RNF216: variants seen among roughly 807,000 people sequenced by gnomAD.
RNF216 encodes the protein ring finger protein 216, also known as E3 ubiquitin-protein ligase RNF216.
RNF216 carries 72 observed loss-of-function variants against 110.8 expected under a neutral mutation model. The observed-to-expected ratio is 0.65, with a 90% confidence interval of 0.54 to 0.79. RNF216 has a LOEUF of 0.79. Among genes scored for constraint, RNF216 ranks in the 30% least tolerant of loss-of-function variants. RNF216 has a pLI of 0.00. For synonymous variants in RNF216, 495 were observed against 407.5 expected, an observed-to-expected ratio of 1.21 and a Z score of -2.59; for missense variants, 1,342 against 1,141.2, an observed-to-expected ratio of 1.18 and a Z score of -2.54.
At chr7:5,636,702 C>T (rs1032552581) in intron 15 of RNF216, among the ~76,000 whole-genome samples, 2 of 152,154 alleles carry the variant, frequency 1.3e-5, no homozygotes, top group Non-Finnish European at 2.9e-5. Context: ...TTGATGGGAA[C>T]GGGACAAACG....
chr7:5,647,698 G>T (rs1036140457), intron 14 of RNF216, among the ~76,000 whole-genome samples: 1 of 152,108 alleles, frequency 6.6e-6, no homozygotes, highest in African/African-American at 2.4e-5. Context: ...ACCCAAGCTA[G>T]AAGCCTGAGA....
chr7:5,694,900 C>T (rs1304436007), intron 13 of RNF216, among the ~76,000 whole-genome samples: 1 of 152,184 alleles, frequency 6.6e-6, no homozygotes, highest in Non-Finnish European at 1.5e-5. Context: ...ATCTAAAGGA[C>T]CCAAGCATTT....
intron 13 of RNF216, among the ~76,000 whole-genome samples, chr7:5,674,922 G>T (rs1395202331): frequency 2.0e-5 from 3 of 150,060 alleles, no homozygotes; most frequent in Admixed American, 2.0e-4. Context: ...GCTTGAACCA[G>T]GGAGGTGGAG....
Position 5,717,531 on chromosome 7 carries a change from C to CTGGGCAGAAACAGGGAATGATG in RNF216, c.1645-787_1645-766dup, listed in dbSNP as rs1224487064. Reference sequence around the variant, plus strand: ...CCAAGAGTCTAGCCCAAAGATGCAACTGGGCAGAAACAGGGAATGATGTAT... The same window carrying CTGGGCAGAAACAGGGAATGATG: ...CCAAGAGTCTAGCCCAAAGATGCAACTGGGCAGAAACAGGGAATGATGTGGGCAGAAACAGGGAATGATGTAT... On this transcript the variant is annotated intron_variant, in intron 9 of 16. Transcript: ENST00000389902. Among the ~76,000 whole-genome samples, 7 of 152,290 alleles carry CTGGGCAGAAACAGGGAATGATG rather than the reference C, an allele frequency of 4.6e-5. No individual in the cohort carries two copies. In the East Asian group the frequency reaches 1.4e-3, roughly 29 times the overall value.
chr7:5,732,179 G>C (rs928107705), intron 5 of RNF216, among the ~76,000 whole-genome samples: 11 of 152,308 alleles, frequency 7.2e-5, no homozygotes, highest in African/African-American at 2.4e-4. Context: ...ATTGTCATCA[G>C]TGGTAATTCT....
At chr7:5,670,962 T>C (rs538754902) in intron 13 of RNF216, among the ~76,000 whole-genome samples, 18 of 152,294 alleles carry the variant, frequency 1.2e-4, no homozygotes, top group African/African-American at 4.3e-4. Context: ...GCCTAGAGTG[T>C]TTTCTGTGAA....
At chr7:5,754,891 G>A (rs1413984003) in intron 2 of RNF216, among the ~76,000 whole-genome samples, 1 of 151,938 alleles carries the variant, frequency 6.6e-6, no homozygotes, top group Admixed American at 6.6e-5. Context: ...AGCCGGGTGT[G>A]GTGGCATGCA....
At chr7:5,766,020 G>T (rs1314136655) in intron 1 of RNF216, among the ~76,000 whole-genome samples, 2 of 150,932 alleles carry the variant, frequency 1.3e-5, no homozygotes, top group Non-Finnish European at 3.0e-5. Flanking sequence ...GCTCACACTT[G>T]TAATCCAGGA....
intron 2 of RNF216, among the ~76,000 whole-genome samples, chr7:5,754,373 G>A (rs78369267): frequency 0.042 from 6,385 of 151,922 alleles, 187 homozygotes; most frequent in South Asian, 0.074. Flanking sequence ...ATGTTCCTAT[G>A]CTGGCCTTGA....
intron 7 of RNF216, among the ~76,000 whole-genome samples, chr7:5,727,522 T>C (rs1584522372): frequency 6.6e-6 from 1 of 151,530 alleles, no homozygotes; most frequent in African/African-American, 2.4e-5. Flanking sequence ...AGGCCAGGAG[T>C]TCAAGACCAG....
At chr7:5,668,190 T>A (rs1789651828) in intron 13 of RNF216, among the ~76,000 whole-genome samples, 1 of 151,836 alleles carries the variant, frequency 6.6e-6, no homozygotes, top group African/African-American at 2.4e-5. Context: ...CTCATAAAAA[T>A]CAAATCCCTT....
rs759514977 is a variant in RNF216 at position 5,712,702 on chromosome 7, C to T, written c.1982+13G>A. ...AAGAGTTGGCAGATGGCACGCTCTGCCTGAGAACGAACCTGACAAGCTCGT... is the reference window on the plus strand; with the variant it reads ...AAGAGTTGGCAGATGGCACGCTCTGTCTGAGAACGAACCTGACAAGCTCGT... On this transcript the variant is annotated intron_variant, in intron 12 of 16. Transcript: ENST00000389902. 5.0e-6 allele frequency: 8 copies of T among 1,613,854 alleles called. No individual in the cohort carries two copies. Among genetic ancestry groups the T allele is most frequent in the African/African-American group, 1.3e-5 (1 of 75,028 alleles).
chr7:5,773,707 G>A (rs540566052), intron 1 of RNF216, among the ~76,000 whole-genome samples: 11 of 151,780 alleles, frequency 7.2e-5, no homozygotes, highest in African/African-American at 2.4e-4. Context: ...TAGCTGGGAC[G>A]ACACATGCGT....
At chr7:5,724,247 G>A (rs1793616111) in intron 8 of RNF216, among the ~76,000 whole-genome samples, 1 of 152,188 alleles carries the variant, frequency 6.6e-6, no homozygotes, top group African/African-American at 2.4e-5. Flanking sequence ...CAGTCAGGCT[G>A]ATGAAGGGAC....
At chr7:5,674,280 T>A (rs147333730) in intron 13 of RNF216, among the ~76,000 whole-genome samples, 5,707 of 152,076 alleles carry the variant, frequency 0.038, 160 homozygotes, top group South Asian at 0.072. Flanking sequence ...CACCCACCTC[T>A]GCCTCCCAAA....
At position 5,729,474 on chromosome 7, in the gene RNF216, C is replaced by A; in HGVS notation, c.1347G>T (p.Trp449Cys). The A allele has an allele frequency of 6.2e-7, 1 of 1,614,092 alleles. No individual in the cohort carries two copies. The highest frequency in any genetic ancestry group is 8.5e-7 in the Non-Finnish European group (1 of 1,180,010). Reference sequence around the variant, plus strand: ...AGTGTCCTTTGAGCTCGTGCAGGGCCCACTTGATGTCCTGACTACTGAGCA... The same window carrying A: ...AGTGTCCTTTGAGCTCGTGCAGGGCACACTTGATGTCCTGACTACTGAGCA... Reference protein sequence around the residue: ...FKVLSSQDIKWALHELKGHYA... With the variant: ...FKVLSSQDIKCALHELKGHYA... The change falls in exon 7 of 17, where the codon TGG becomes TGT. Residue 449 changes from tryptophan to cysteine, a missense_variant. Physicochemically the swap from Trp to Cys is radical, Grantham distance 215. Transcript: ENST00000389902.
chr7:5,689,438 A>G (rs906539333), intron 13 of RNF216, among the ~76,000 whole-genome samples: 2 of 151,996 alleles, frequency 1.3e-5, no homozygotes, highest in African/African-American at 4.8e-5. Context: ...GGGCGCCTAG[A>G]AACCCACATC....
intron 3 of RNF216, among the ~76,000 whole-genome samples, chr7:5,749,048 G>T (rs530335026): frequency 6.6e-6 from 1 of 152,146 alleles, no homozygotes; most frequent in South Asian, 2.1e-4. Flanking sequence ...AGAAAAACAG[G>T]ACCTAACTCC....
intron 13 of RNF216, among the ~76,000 whole-genome samples, chr7:5,683,185 C>T (rs1790767642): frequency 6.6e-6 from 1 of 152,004 alleles, no homozygotes; most frequent in African/African-American, 2.4e-5. Flanking sequence ...TGCAGCATCA[C>T]ATGGTAGAAG....
Sources: allele counts gnomAD v4.1 joint callset (sites outside exome capture counted in the v4.1 genomes callset), GRCh38; gene constraint gnomAD v4.1.1; transcripts MANE v1.5; gene names NCBI Gene and HGNC (gene_info 2026-07-23, HGNC 2026-07-21).